Variants in ERN1 observed in about 807,000 individuals in gnomAD.
ERN1 encodes serine/threonine-protein kinase/endoribonuclease IRE1.
Under a neutral mutation model 113.1 loss-of-function variants are expected in ERN1, and 39 were observed. The ratio of observed to expected loss-of-function variants is 0.34; its 90% confidence interval spans 0.27 to 0.45. The LOEUF (loss-of-function observed/expected upper bound fraction) is 0.45, where lower values mean the gene tolerates loss of function less well. Ranked by LOEUF, ERN1 falls within the 20% of genes least tolerant of loss-of-function variation. The pLI is 1.00. For missense variants in ERN1, 976 were observed against 1,274.8 expected (o/e 0.77, Z 3.57); for synonymous variants, 507 against 515.9 (o/e 0.98, Z 0.23).
chr17:64,129,060 A>G (rs1019272217), intron 1 of ERN1: 2 of 152,104 alleles, frequency 1.3e-5, no homozygotes, highest in Admixed American at 6.6e-5. Flanking sequence ...TGAACAATAC[A>G]TTTTGTGAAA....
At chr17:64,106,513 C>T (rs1914531120) in intron 1 of ERN1, among the ~76,000 whole-genome samples, 1 of 152,138 alleles carries the variant, frequency 6.6e-6, no homozygotes. Flanking sequence ...AAGGCTGATC[C>T]ACCACACATG....
In ERN1 at chr17:64,049,069, T is replaced by G. The variant is rs1261163048; in HGVS notation, c.2387A>C (p.His796Pro). 3.1e-6 allele frequency: 5 copies of G among 1,596,754 alleles called. No homozygotes were observed. The highest frequency in any genetic ancestry group is 4.3e-6 in the Non-Finnish European group (5 of 1,167,070). Residue 796 changes from histidine to proline, a missense_variant, in exon 18 of 22, where the codon CAC becomes CCC. By Grantham distance (77) the His-to-Pro change is moderately conservative (BLOSUM62 -2). Transcript: ENST00000433197. The surrounding 1 kb of genome is among the most constrained non-coding windows in gnomAD (Gnocchi z 4.7). ...GGACCGCTCACCGTGCTTCTCTGGG[T>G]GCAAGCAGTCAAGGCTGCAGGCACC... ...LLGACSLDCL[H>P]PEKHEDVIAR...
At chr17:64,125,697 C>T (rs561343427) in intron 1 of ERN1, among the ~76,000 whole-genome samples, 34 of 152,160 alleles carry the variant, frequency 2.2e-4, no homozygotes, top group Non-Finnish European at 4.3e-4. Context: ...CCATGTTGGC[C>T]AGGCTGCTCT....
At position 64,070,757 on chromosome 17, in the gene ERN1, A is replaced by T. The variant is rs541750281; in HGVS notation, c.478+1224T>A. Among the ~76,000 whole-genome samples, 13 of 152,304 alleles carry T rather than the reference A, an allele frequency of 8.5e-5. No individual in the cohort carries two copies. The South Asian group carries it at 2.7e-3, about 32-fold the overall frequency. On this transcript the variant is annotated intron_variant, in intron 6 of 21. Transcript: ENST00000433197. ...TGAATTCATCCTAGGTTTTTGGTAT[A>T]ATTTCTTCCTTCTAAATGTTTTTTG...
At chr17:64,120,126 T>C (rs1428973753) in intron 1 of ERN1, among the ~76,000 whole-genome samples, 1 of 151,946 alleles carries the variant, frequency 6.6e-6, no homozygotes, top group Non-Finnish European at 1.5e-5. Flanking sequence ...TTCATTCACA[T>C]AGGATGGGGC....
chr17:64,056,336 T>C (rs1470591487), intron 12 of ERN1, among the ~76,000 whole-genome samples: 2 of 152,204 alleles, frequency 1.3e-5, no homozygotes. Flanking sequence ...GAGCCAGTGG[T>C]GGGTGAGAGC....
Position 64,041,797 on chromosome 17 carries a change from G to T in ERN1, c.*2191C>A, listed in dbSNP as rs75160892. 6.6e-6 allele frequency: 1 copy of T among 152,078 alleles called. No homozygotes were observed. Among genetic ancestry groups the T allele is most frequent in the South Asian group, 2.1e-4 (1 of 4,824 alleles). 9.4% of individuals were successfully genotyped at this position (152,078 alleles called of 1,614,324 possible). A position where few individuals can be genotyped will look rare whatever the true frequency, so the allele number is the denominator to read the frequency against. On this transcript the variant is annotated 3_prime_UTR_variant, in exon 22 of 22. Coordinates refer to ENST00000433197, the MANE Select transcript of ERN1 (RefSeq NM_001433.5). ...CTGTCTTGTTCATCGCTGTATCTCCGGCACCCTATATCCTGCCTAGCTCAA... is the reference window on the plus strand; with the variant it reads ...CTGTCTTGTTCATCGCTGTATCTCCTGCACCCTATATCCTGCCTAGCTCAA...
At position 64,112,504 on chromosome 17, in the gene ERN1, C is replaced by T. The variant is rs532657816; in HGVS notation, c.55-14263G>A. ...ACTCACCTATGATGCTGCGGCTAAA[C>T]GATTCAATAGATACTTGTTAAGTTC... is the stretch of plus-strand genomic sequence containing the variant. On this transcript the variant is annotated intron_variant, in intron 1 of 21. Transcript: ENST00000433197. 2.0e-5 allele frequency among the ~76,000 whole-genome samples: 3 copies of T among 152,188 alleles called. No individual in the cohort carries two copies. In the South Asian group the frequency reaches 6.2e-4, roughly 31 times the overall value.
chr17:64,094,626 CTT>C (rs58195537), intron 2 of ERN1, among the ~76,000 whole-genome samples: 27 of 136,346 alleles, frequency 2.0e-4, no homozygotes, highest in South Asian at 9.3e-4. Flanking sequence ...CCCATCCTTT[CTT>C]TTTTTTTTTT....
rs748779598 is a variant in ERN1 at position 64,060,518 on chromosome 17, T to C, written c.1157A>G (p.His386Arg). ...LERFPNNLPK[H>R]RENVIPADSE... The stretch of plus-strand genomic sequence containing the variant: ...ATCAGCAGGAATCACATTTTCCCGA[T>C]GTTTGGGTAGATTGTTGGGAAATCT... Residue 386 changes from histidine to arginine, a missense_variant, in exon 11 of 22, where the codon CAT becomes CGT. This residue lies in a region of ERN1 where 459 missense variants were observed against 581.2 expected (regional missense o/e 0.79). Transcript: ENST00000433197. 2.5e-6 allele frequency: 4 copies of C among 1,614,004 alleles called. No individual in the cohort carries two copies. Among genetic ancestry groups the C allele is most frequent in the African/African-American group, 1.3e-5 (1 of 75,056 alleles).
intron 7 of ERN1, chr17:64,067,741 C>T (rs1913280310): frequency 6.5e-6 from 1 of 154,962 alleles, no homozygotes. Flanking sequence ...CAGAGTCCAA[C>T]TTTGATACCA....
chr17:64,089,080 G>A lies in ERN1; in HGVS notation c.176-8272C>T, dbSNP rs1046245918. Among the ~76,000 whole-genome samples the A allele has an allele frequency of 5.3e-5, 8 of 152,130 alleles. No homozygotes were observed. The East Asian group carries it at 7.7e-4, about 15-fold the overall frequency. On this transcript the variant is annotated intron_variant, in intron 2 of 21. Transcript: ENST00000433197. ...CACGCCTGTAATCCCAGCACTTTGG[G>A]AGGCCAAGGTGGGTGGATCATGAGG...
intron 13 of ERN1, among the ~76,000 whole-genome samples, chr17:64,055,118 T>C (rs533354028): frequency 1.3e-5 from 2 of 152,370 alleles, no homozygotes; most frequent in South Asian, 2.1e-4. Context: ...CACACACTTA[T>C]ACATATTCAT....
At position 64,083,799 on chromosome 17, in the gene ERN1, A is replaced by C. The variant is rs548288610; in HGVS notation, c.176-2991T>G. Among the ~76,000 whole-genome samples, 5 of 152,284 alleles carry C rather than the reference A, an allele frequency of 3.3e-5. No homozygotes were observed. In the East Asian group the frequency reaches 7.7e-4, roughly 24 times the overall value. ...ACAAGTTTTACACCTGCAGGAACTG[A>C]CATCCTGGGTGAGGTCACAAGATGC... On this transcript the variant is annotated intron_variant, in intron 2 of 21. Coordinates refer to ENST00000433197, the MANE Select transcript of ERN1 (RefSeq NM_001433.5).
At chr17:64,058,306 T>C (rs1461485889) in intron 11 of ERN1, among the ~76,000 whole-genome samples, 1 of 152,184 alleles carries the variant, frequency 6.6e-6, no homozygotes, top group Non-Finnish European at 1.5e-5. Flanking sequence ...AAACACTTCC[T>C]CCTTTGATGG....
Position 64,055,852 on chromosome 17 carries a change from G to T in ERN1, c.1495C>A (p.His499Asn). The T allele has an allele frequency of 1.3e-6, 2 of 1,553,538 alleles. No individual in the cohort carries two copies. The highest frequency in any genetic ancestry group is 1.7e-6 in the Non-Finnish European group (2 of 1,148,232). ...LQQQQQQLPF[H>N]PPGDTAQDGE... The stretch of plus-strand genomic sequence containing the variant: ...TCCTGAGCCGTGTCTCCAGGTGGGT[G>T]GAAGGGCAGCTGCTGCTGCTGCTGC... The change falls in exon 13 of 22, where the codon CAC becomes AAC. Residue 499 changes from histidine to asparagine, a missense_variant. Transcript: ENST00000433197.
chr17:64,044,818 A>C lies in ERN1; in HGVS notation c.2721+42T>G. On this transcript the variant is annotated intron_variant, in intron 21 of 21. Transcript: ENST00000433197. This position sits in a 1 kb window ranked among gnomAD's most constrained non-coding sequence, Gnocchi z 4.1. ...ATGAAAGGAGGAAGGTGTCCATGTCATGGCCACTGGGTCTCCTCCCCAGCA... is the reference window on the plus strand; with the variant it reads ...ATGAAAGGAGGAAGGTGTCCATGTCCTGGCCACTGGGTCTCCTCCCCAGCA... The C allele has an allele frequency of 7.1e-6, 9 of 1,264,134 alleles. No individual in the cohort carries two copies. The highest frequency in any genetic ancestry group is 7.9e-6 in the Non-Finnish European group (7 of 881,582). 78.3% of individuals were successfully genotyped at this position (1,264,134 alleles called of 1,614,324 possible).
intron 1 of ERN1, among the ~76,000 whole-genome samples, chr17:64,124,607 CCTT>C (rs1166753190): frequency 1.3e-5 from 2 of 152,196 alleles, no homozygotes; most frequent in African/African-American, 2.4e-5. Flanking sequence ...ACTTGCTCCT[CCTT>C]ACCTTTTTTC....
At chr17:64,108,292 C>T (rs774580279) in intron 1 of ERN1, among the ~76,000 whole-genome samples, 1 of 152,082 alleles carries the variant, frequency 6.6e-6, no homozygotes, top group Non-Finnish European at 1.5e-5. Flanking sequence ...ACAGTTCCCC[C>T]CAAACTGGTT....
Sources: gnomAD v4.1 joint callset for allele counts (sites outside exome capture counted in the v4.1 genomes callset) on GRCh38, gnomAD v4.1.1 for gene constraint, gnomAD v4.1.1 regional missense constraint, Gnocchi (gnomAD v3.1) non-coding constraint, MANE v1.5 for transcripts, NCBI Gene and HGNC (gene_info 2026-07-23, HGNC 2026-07-21) for gene names.